GPC5: variants seen among roughly 807,000 people sequenced by gnomAD.
The protein encoded by GPC5 is glypican-5.
GPC5 carries 47 observed loss-of-function variants against 53.9 expected under a neutral mutation model. The ratio of observed to expected loss-of-function variants is 0.87; its 90% CI spans 0.69 to 1.11. The LOEUF (loss-of-function observed/expected upper bound fraction) is 1.11. GPC5 is among the 50% of genes most tolerant of loss of function. GPC5 has a pLI of 0.00. For synonymous variants in GPC5, 286 were observed against 263.3 expected, an observed-to-expected ratio of 1.09 and a Z score of -0.84; for missense variants, 748 against 713.1, an observed-to-expected ratio of 1.05 and a Z score of -0.56.
In GPC5 at chr13:91,922,109, C is replaced by T. The variant is rs553998536; in HGVS notation, c.1401+14052C>T. On this transcript the variant is annotated intron_variant, in intron 6 of 7. Coordinates refer to ENST00000377067, the MANE Select transcript of GPC5 (RefSeq NM_004466.6). ...GATAAACCAAAAACAGAAAAACTTC[C>T]AACTAAAGGCAAATGATTTAGACAG... Among the ~76,000 whole-genome samples, 95 of 152,094 alleles carry T rather than the reference C, an allele frequency of 6.2e-4. 1 individual carries two copies. The highest frequency in any genetic ancestry group is 2.1e-3 in the African/African-American group (86 of 41,480).
intron 7 of GPC5, among the ~76,000 whole-genome samples, chr13:92,243,192 A>G (rs973237202): frequency 6.6e-6 from 1 of 152,190 alleles, no homozygotes; most frequent in Non-Finnish European, 1.5e-5. Flanking sequence ...AACTCAAAAC[A>G]TTTCTCACAG....
At chr13:91,751,708 T>C (rs1566659848) in intron 4 of GPC5, among the ~76,000 whole-genome samples, 1 of 152,170 alleles carries the variant, frequency 6.6e-6, no homozygotes. Flanking sequence ...AGAAACAAGC[T>C]CATTACCACA....
At chr13:91,896,044 A>C (rs1295155890) in intron 5 of GPC5, among the ~76,000 whole-genome samples, 1 of 151,954 alleles carries the variant, frequency 6.6e-6, no homozygotes, top group Non-Finnish European at 1.5e-5. Flanking sequence ...TCAGCCTTAC[A>C]GGAACACATG....
intron 6 of GPC5, among the ~76,000 whole-genome samples, chr13:92,015,210 A>G (rs1206837496): frequency 1.3e-5 from 2 of 152,202 alleles, no homozygotes; most frequent in Non-Finnish European, 2.9e-5. Context: ...TACAATACCC[A>G]GGACAGATCA....
intron 7 of GPC5, among the ~76,000 whole-genome samples, chr13:92,235,105 C>T (rs970248234): frequency 2.0e-5 from 3 of 151,994 alleles, no homozygotes; most frequent in Non-Finnish European, 4.4e-5. Flanking sequence ...AAATTGGGGA[C>T]TAGAAGAGAT....
At chr13:91,945,635 A>C (rs74575662) in intron 6 of GPC5, among the ~76,000 whole-genome samples, 3,213 of 152,252 alleles carry the variant, frequency 0.021, 103 homozygotes, top group African/African-American at 0.073. Context: ...AGGACGAAGG[A>C]AAGGGGTTGT....
intron 2 of GPC5, among the ~76,000 whole-genome samples, chr13:91,674,715 A>G (rs747059631): frequency 1.1e-4 from 16 of 148,904 alleles, no homozygotes; most frequent in Non-Finnish European, 1.9e-4. Flanking sequence ...TTAATTATAT[A>G]TATATATGTC....
intron 6 of GPC5, among the ~76,000 whole-genome samples, chr13:91,932,016 T>A (rs1016709326): frequency 6.6e-6 from 1 of 152,000 alleles, no homozygotes; most frequent in Admixed American, 6.6e-5. Context: ...CCTATAAATA[T>A]GTACAATGAT....
At chr13:92,138,628 C>A (rs114381323) in intron 6 of GPC5, among the ~76,000 whole-genome samples, 3 of 152,008 alleles carry the variant, frequency 2.0e-5, no homozygotes, top group Admixed American at 1.3e-4. Context: ...CTTAAGGGTG[C>A]ATATATGGAA....
chr13:92,391,594 T>G (rs1875006033), intron 7 of GPC5, among the ~76,000 whole-genome samples: 1 of 152,206 alleles, frequency 6.6e-6, no homozygotes, highest in Non-Finnish European at 1.5e-5. Flanking sequence ...AATGTTATAC[T>G]ATAGATCAAT....
chr13:92,252,384 G>A (rs182234503), intron 7 of GPC5, among the ~76,000 whole-genome samples: 10 of 152,152 alleles, frequency 6.6e-5, no homozygotes, highest in East Asian at 5.8e-4. Context: ...AGCTCCCTGC[G>A]TAGATGCAGT....
At chr13:92,661,910 G>A (rs1886356727) in intron 7 of GPC5, among the ~76,000 whole-genome samples, 2 of 151,996 alleles carry the variant, frequency 1.3e-5, no homozygotes, top group African/African-American at 4.8e-5. Flanking sequence ...TCATAGTCCT[G>A]TTCTTCTTCA....
At chr13:92,451,149 G>A (rs910923170) in intron 7 of GPC5, among the ~76,000 whole-genome samples, 7 of 152,062 alleles carry the variant, frequency 4.6e-5, no homozygotes, top group African/African-American at 9.7e-5. Flanking sequence ...ACCCAAGTAC[G>A]TAGCTGTTCT....
chr13:92,753,713 T>A (rs1566402299), intron 7 of GPC5, among the ~76,000 whole-genome samples: 4 of 151,788 alleles, frequency 2.6e-5, no homozygotes, highest in Non-Finnish European at 5.9e-5. Context: ...TGCGATCAAC[T>A]GGAAGAAAGG....
At chr13:92,422,408 A>G (rs932806343) in intron 7 of GPC5, among the ~76,000 whole-genome samples, 1 of 151,822 alleles carries the variant, frequency 6.6e-6, no homozygotes, top group African/African-American at 2.4e-5. Context: ...TTCCAGCCCA[A>G]AACAAGAGGT....
At chr13:92,129,179 A>G (rs2041724051) in intron 6 of GPC5, among the ~76,000 whole-genome samples, 1 of 152,186 alleles carries the variant, frequency 6.6e-6, no homozygotes, top group East Asian at 1.9e-4. Flanking sequence ...TAATGAGATT[A>G]AATCTGAGAC....
chr13:92,456,125 A>G (rs543253135), intron 7 of GPC5, among the ~76,000 whole-genome samples: 8 of 152,346 alleles, frequency 5.3e-5, no homozygotes, highest in African/African-American at 1.4e-4. Flanking sequence ...TTATCCTGAC[A>G]TTAAAGTGTT....
At chr13:92,465,468 G>A (rs180873483) in intron 7 of GPC5, among the ~76,000 whole-genome samples, 22 of 152,042 alleles carry the variant, frequency 1.4e-4, no homozygotes, top group African/African-American at 4.1e-4. Context: ...GACTTACAGC[G>A]TTTATAGGCT....
chr13:91,513,794 C>G (rs1435194193), intron 2 of GPC5, among the ~76,000 whole-genome samples: 1 of 152,100 alleles, frequency 6.6e-6, no homozygotes, highest in Non-Finnish European at 1.5e-5. Context: ...CACTCGTCTT[C>G]CCATTTTATG....
Sources: gnomAD v4.1 joint callset for allele counts (sites outside exome capture counted in the v4.1 genomes callset) on GRCh38, gnomAD v4.1.1 for gene constraint, MANE v1.5 for transcripts, NCBI Gene and HGNC (gene_info 2026-07-23, HGNC 2026-07-21) for gene names.